Variants in ARHGEF38 observed in about 807,000 individuals in gnomAD.
The protein encoded by ARHGEF38 is Rho guanine nucleotide exchange factor 38, also known as Rho guanine nucleotide exchange factor (GEF) 38.
In ARHGEF38, 79 loss-of-function variants were observed where a neutral mutation model predicts 79.9. The observed-to-expected ratio is 0.99, with a 90% CI of 0.82 to 1.19. The LOEUF is 1.19. Among genes scored for constraint, ARHGEF38 ranks in the 50% most tolerant of loss-of-function variants. The probability of loss-of-function intolerance (pLI) is 0.00; values close to 1 mark genes in which losing one functional copy is unlikely to be tolerated. For missense variants in ARHGEF38, 962 were observed against 907.2 expected, an observed-to-expected ratio of 1.06 and a Z score of -0.78; for synonymous variants, 366 against 328.3, an observed-to-expected ratio of 1.11 and a Z score of -1.24.
At chr4:105,614,385 G>A (rs1472159214) in intron 3 of ARHGEF38, among the ~76,000 whole-genome samples, 2 of 152,068 alleles carry the variant, frequency 1.3e-5, no homozygotes, top group Admixed American at 6.6e-5. Flanking sequence ...GTAACCGCTT[G>A]TTTGATGTAG....
At chr4:105,650,017 T>C (rs2110548653) in intron 7 of ARHGEF38, among the ~76,000 whole-genome samples, 1 of 152,340 alleles carries the variant, frequency 6.6e-6, no homozygotes, top group African/African-American at 2.4e-5. Flanking sequence ...GAGGATTAAA[T>C]GAGATGATGC....
At position 105,590,528 on chromosome 4, in the gene ARHGEF38, G is replaced by A. The variant is rs533042783; in HGVS notation, c.384+1093G>A. On this transcript the variant is annotated intron_variant, in intron 2 of 13. Transcript: ENST00000420470. Reference sequence around the variant, plus strand: ...TGATCAAAACTACAAATAATATCTTGTAACATACTTGTTTCATCCATAAAT... The same window carrying A: ...TGATCAAAACTACAAATAATATCTTATAACATACTTGTTTCATCCATAAAT... 1.9e-4 allele frequency among the ~76,000 whole-genome samples: 29 copies of A among 152,178 alleles called. 1 individual carries two copies. The South Asian group carries it at 6.0e-3, about 32-fold the overall frequency.
chr4:105,559,409 G>C (rs748075824), intron 1 of ARHGEF38, among the ~76,000 whole-genome samples: 13 of 152,040 alleles, frequency 8.6e-5, no homozygotes. Context: ...GGTGTTTCTG[G>C]AGCTTGATCA....
In ARHGEF38 at chr4:105,659,049, G is replaced by T; in HGVS notation, c.1234-5G>T. 1 of 1,518,572 alleles carries T rather than the reference G, an allele frequency of 6.6e-7. No individual in the cohort carries two copies. Among genetic ancestry groups the T allele is most frequent in the South Asian group, 1.2e-5 (1 of 81,368 alleles). The allele number at this position is 1,518,572 out of a possible 1,614,324, so 94.1% of individuals were successfully genotyped here. A position where few individuals can be genotyped will look rare whatever the true frequency, so the allele number is the denominator to read the frequency against. ...CTGAAATGGGCTCATTTTTTCTTTTGGCAGGCATCTCACTTACAGAGACTC... is the reference window on the plus strand; with the variant it reads ...CTGAAATGGGCTCATTTTTTCTTTTTGCAGGCATCTCACTTACAGAGACTC... On this transcript the variant is annotated splice_region_variant and splice_polypyrimidine_tract_variant and intron_variant, in intron 9 of 13. Coordinates refer to ENST00000420470, the MANE Select transcript of ARHGEF38 (RefSeq NM_001242729.2).
chr4:105,630,067 A>G (rs903081539), intron 3 of ARHGEF38, among the ~76,000 whole-genome samples: 1 of 152,174 alleles, frequency 6.6e-6, no homozygotes, highest in African/African-American at 2.4e-5. Context: ...AGTATTTCAT[A>G]TGTATTTACT....
chr4:105,655,470 A>G lies in ARHGEF38; in HGVS notation c.1114-133A>G, dbSNP rs149160891. On this transcript the variant is annotated intron_variant, in intron 8 of 13. Coordinates refer to ENST00000420470, the MANE Select transcript of ARHGEF38 (RefSeq NM_001242729.2). ...CCTGATTGTACAGAGCATTTATAAA[A>G]TGTTTGTTGTTCCTTTTTAAATAAC... The G allele has an allele frequency of 2.4e-4, 219 of 911,760 alleles. 2 individuals carry two copies. In the East Asian group the frequency reaches 5.5e-3, roughly 23 times the overall value. The allele number at this position is 911,760 out of a possible 1,614,324, so 56.5% of individuals were successfully genotyped here. A position where few individuals can be genotyped will look rare whatever the true frequency, so the allele number is the denominator to read the frequency against.
chr4:105,658,592 G>A (rs961248513), intron 9 of ARHGEF38, among the ~76,000 whole-genome samples: 2 of 152,100 alleles, frequency 1.3e-5, no homozygotes, highest in African/African-American at 2.4e-5. Context: ...CCTATGGGAT[G>A]AACTATATTC....
chr4:105,586,508 T>C lies in ARHGEF38; in HGVS notation c.197-2740T>C, dbSNP rs370180982. ...GCATTTTTTAATTGACAAAATCTGA[T>C]GTAGTACATTTTAAAGTGCAGCAAC... On this transcript the variant is annotated intron_variant, in intron 1 of 13. Coordinates refer to ENST00000420470, the MANE Select transcript of ARHGEF38 (RefSeq NM_001242729.2). 2.6e-5 allele frequency among the ~76,000 whole-genome samples: 4 copies of C among 152,304 alleles called. No homozygotes were observed. In the East Asian group the frequency reaches 5.8e-4, roughly 22 times the overall value.
At chr4:105,571,058 T>A (rs1004767843) in intron 1 of ARHGEF38, among the ~76,000 whole-genome samples, 2 of 152,078 alleles carry the variant, frequency 1.3e-5, no homozygotes, top group African/African-American at 4.8e-5. Context: ...AGGTATAAAA[T>A]TTGCTTAGAA....
chr4:105,598,851 A>G (rs997803450), intron 2 of ARHGEF38, among the ~76,000 whole-genome samples: 1 of 152,200 alleles, frequency 6.6e-6, no homozygotes, highest in Non-Finnish European at 1.5e-5. Flanking sequence ...TAATAAGGGC[A>G]GTTCCTATGT....
At chr4:105,655,576 T>C (rs1436486875) in intron 8 of ARHGEF38, 27 bp from the exon 9 acceptor site, 2 of 1,532,828 alleles carry the variant, frequency 1.3e-6, no homozygotes, top group Admixed American at 4.0e-5. Flanking sequence ...AACTTGCCTT[T>C]TTTGTAACTT....
At chr4:105,591,921 GTTTTC>G (rs1295628912) in intron 2 of ARHGEF38, among the ~76,000 whole-genome samples, 1 of 152,102 alleles carries the variant, frequency 6.6e-6, no homozygotes, top group Non-Finnish European at 1.5e-5. Context: ...TTTCTGCTGT[GTTTTC>G]TTTATTTTAT....
intron 9 of ARHGEF38, among the ~76,000 whole-genome samples, chr4:105,656,026 T>C (rs1295309089): frequency 2.6e-5 from 4 of 152,186 alleles, no homozygotes; most frequent in Non-Finnish European, 5.9e-5. Context: ...ATTAAGAAAT[T>C]ATTAAGTTAG....
intron 3 of ARHGEF38, among the ~76,000 whole-genome samples, chr4:105,628,409 G>A (rs1179583491): frequency 2.0e-5 from 3 of 152,164 alleles, no homozygotes; most frequent in Admixed American, 6.5e-5. Flanking sequence ...AAAGCCACTA[G>A]TTCCCATTTG....
At chr4:105,631,139 C>T (rs1026374887) in intron 4 of ARHGEF38, 94 bp downstream of exon 4, 8 of 1,420,918 alleles carry the variant, frequency 5.6e-6, no homozygotes, top group South Asian at 1.8e-5. Flanking sequence ...CACATAAATC[C>T]TATGTTTTAT....
At chr4:105,616,637 A>C (rs773016965) in intron 3 of ARHGEF38, among the ~76,000 whole-genome samples, 12 of 152,180 alleles carry the variant, frequency 7.9e-5, no homozygotes, top group Middle Eastern at 3.4e-3. Flanking sequence ...GGCAGGGGGG[A>C]CACAGAGCCA....
In ARHGEF38 at chr4:105,670,989, C is replaced by G. The variant is rs368698225; in HGVS notation, c.2148+3286C>G. Among the ~76,000 whole-genome samples the G allele has an allele frequency of 2.6e-5, 4 of 152,210 alleles. No individual in the cohort carries two copies. The East Asian group carries it at 5.8e-4, about 22-fold the overall frequency. ...GTACTTCAAAGCAATTTTCTCCAAG[C>G]AATCCTATCAATATATATAATGTGA... On this transcript the variant is annotated intron_variant, in intron 13 of 13. Coordinates refer to ENST00000420470, the MANE Select transcript of ARHGEF38 (RefSeq NM_001242729.2).
At chr4:105,628,783 T>C (rs1729061510) in intron 3 of ARHGEF38, among the ~76,000 whole-genome samples, 1 of 152,078 alleles carries the variant, frequency 6.6e-6, no homozygotes, top group Non-Finnish European at 1.5e-5. Context: ...TATAAGCATA[T>C]AATCACAGGA....
intron 1 of ARHGEF38, among the ~76,000 whole-genome samples, chr4:105,584,568 C>T (rs1222771009): frequency 1.3e-5 from 2 of 152,070 alleles, no homozygotes; most frequent in Non-Finnish European, 2.9e-5. Flanking sequence ...GAGTTTGAAC[C>T]CAGGCAGTCT....
Sources: allele counts gnomAD v4.1 joint callset (sites outside exome capture counted in the v4.1 genomes callset), GRCh38; gene constraint gnomAD v4.1.1; transcripts MANE v1.5; gene names NCBI Gene and HGNC (gene_info 2026-07-23, HGNC 2026-07-21).